The following DPP10 variants were observed in gnomAD, a reference collection of about 807,000 sequenced individuals.
DPP10 encodes inactive dipeptidyl peptidase 10.
Under a neutral mutation model 120.9 loss-of-function variants are expected in DPP10, and 33 were observed. That is an observed-to-expected ratio of 0.27 (90% CI 0.21 to 0.37). The LOEUF (loss-of-function observed/expected upper bound fraction) is 0.37. Ranked by LOEUF, DPP10 falls within the 10% of genes least tolerant of loss-of-function variation. DPP10 has a pLI of 1.00. For missense variants in DPP10, 816 were observed against 942.8 expected (o/e 0.87, Z 1.76); for synonymous variants, 337 against 326.1 (o/e 1.03, Z -0.36).
chr2:114,842,232 T>C (rs1688213731), intron 1 of DPP10, among the ~76,000 whole-genome samples: 1 of 152,076 alleles, frequency 6.6e-6, no homozygotes, highest in Non-Finnish European at 1.5e-5. Flanking sequence ...AATTATGTCT[T>C]ATCTACATGT....
chr2:114,613,240 T>G (rs1693419134), intron 1 of DPP10, among the ~76,000 whole-genome samples: 1 of 152,194 alleles, frequency 6.6e-6, no homozygotes, highest in Non-Finnish European at 1.5e-5. Context: ...ATGAAACTAT[T>G]GCAAACAGAG....
chr2:115,632,713 A>C (rs1196105725), intron 5 of DPP10, among the ~76,000 whole-genome samples: 1 of 152,194 alleles, frequency 6.6e-6, no homozygotes, highest in Non-Finnish European at 1.5e-5. Context: ...GAATCTATAA[A>C]AAACTTAAAT....
At chr2:115,475,673 C>T (rs996122865) in intron 3 of DPP10, among the ~76,000 whole-genome samples, 2 of 152,172 alleles carry the variant, frequency 1.3e-5, no homozygotes, top group Non-Finnish European at 2.9e-5. Context: ...AACGCCAGCC[C>T]ATGAGAACAG....
intron 2 of DPP10, among the ~76,000 whole-genome samples, chr2:115,312,283 T>C (rs183427562): frequency 6.6e-6 from 1 of 152,250 alleles, no homozygotes; most frequent in African/African-American, 2.4e-5. Context: ...TAGAAGATTA[T>C]GTAAATTGAT....
At chr2:115,459,303 C>T (rs1378700554) in intron 3 of DPP10, among the ~76,000 whole-genome samples, 3 of 151,872 alleles carry the variant, frequency 2.0e-5, no homozygotes, top group Non-Finnish European at 4.4e-5. Flanking sequence ...ATTACAGGCA[C>T]GTGCCACCAC....
rs562363372 is a variant in DPP10 at position 115,369,153 on chromosome 2, G to A, written c.271+25241G>A. On this transcript the variant is annotated intron_variant, in intron 3 of 25. Coordinates refer to ENST00000410059, the MANE Select transcript of DPP10 (RefSeq NM_020868.6). Reference sequence around the variant, plus strand: ...AATTCACATTTCAATATATCTAACAGCAAATGATCAGACTGCTACCCAGAC... The same window carrying A: ...AATTCACATTTCAATATATCTAACAACAAATGATCAGACTGCTACCCAGAC... 3.3e-5 allele frequency among the ~76,000 whole-genome samples: 5 copies of A among 152,072 alleles called. No homozygotes were observed. In the South Asian group the frequency reaches 1.0e-3, roughly 31 times the overall value.
intron 1 of DPP10, among the ~76,000 whole-genome samples, chr2:115,153,728 T>TTATTTTTCCCTAAAATACTTA (rs1174447547): frequency 2.0e-5 from 3 of 152,168 alleles, no homozygotes; most frequent in Non-Finnish European, 4.4e-5. Flanking sequence ...AGCATAAACT[T>TTATTTTTCCCTAAAATACTTA]TATTTTTCCC....
intron 5 of DPP10, among the ~76,000 whole-genome samples, chr2:115,619,756 AC>A (rs2084807667): frequency 6.6e-6 from 1 of 152,182 alleles, no homozygotes; most frequent in African/African-American, 2.4e-5. Context: ...ATTATCATTT[AC>A]TGAGTTTAGT....
intron 1 of DPP10, among the ~76,000 whole-genome samples, chr2:114,670,306 T>G (rs1034856946): frequency 1.3e-5 from 2 of 152,086 alleles, no homozygotes; most frequent in Admixed American, 6.5e-5. Context: ...ATAGACTGGA[T>G]TAAGAAAATG....
At chr2:115,233,481 C>T (rs1484156690) in intron 1 of DPP10, among the ~76,000 whole-genome samples, 7 of 152,240 alleles carry the variant, frequency 4.6e-5, no homozygotes, top group African/African-American at 1.4e-4. Context: ...TCAGAAAAGA[C>T]TTGACTCCAT....
At chr2:115,253,219 A>G in intron 1 of DPP10, among the ~76,000 whole-genome samples, 1 of 152,110 alleles carries the variant, frequency 6.6e-6, no homozygotes, top group Non-Finnish European at 1.5e-5. Flanking sequence ...TTGTGAGAGG[A>G]CAGCACCAAA....
rs1357969646 is a variant in DPP10 at position 115,553,223 on chromosome 2, C to T, written c.441+27251C>T. ...CTTTCAAAGTATATCCTGTAGATATCCTAGACCTGATACACTTGGTATAAA... is the reference window on the plus strand; with the variant it reads ...CTTTCAAAGTATATCCTGTAGATATTCTAGACCTGATACACTTGGTATAAA... On this transcript the variant is annotated intron_variant, in intron 5 of 25. Coordinates refer to ENST00000410059, the MANE Select transcript of DPP10 (RefSeq NM_020868.6). 1.6e-4 allele frequency among the ~76,000 whole-genome samples: 25 copies of T among 151,924 alleles called. 1 individual carries two copies. The highest frequency in any genetic ancestry group is 1.6e-3 in the Admixed American group (25 of 15,230).
At chr2:115,595,207 T>C (rs1253071959) in intron 5 of DPP10, among the ~76,000 whole-genome samples, 2 of 152,108 alleles carry the variant, frequency 1.3e-5, no homozygotes. Flanking sequence ...CAATAAGGCA[T>C]AATAAAGATA....
At chr2:114,886,881 A>G (rs1177567061) in intron 1 of DPP10, among the ~76,000 whole-genome samples, 1 of 152,036 alleles carries the variant, frequency 6.6e-6, no homozygotes, top group Non-Finnish European at 1.5e-5. Flanking sequence ...ACGCTTTCTC[A>G]ATAGCTTTCT....
chr2:115,099,292 C>T (rs753820941), intron 1 of DPP10, among the ~76,000 whole-genome samples: 7 of 152,072 alleles, frequency 4.6e-5, no homozygotes, highest in African/African-American at 9.6e-5. Context: ...CCAGCATGGG[C>T]GACAGAACAA....
intron 1 of DPP10, among the ~76,000 whole-genome samples, chr2:114,581,863 A>G (rs1265020974): frequency 2.0e-5 from 3 of 152,214 alleles, no homozygotes; most frequent in Admixed American, 2.0e-4. Context: ...GAGTATGCAT[A>G]TATCTGCCAC....
intron 1 of DPP10, among the ~76,000 whole-genome samples, chr2:114,665,009 T>TCC (rs879424453): frequency 0.092 from 13,484 of 146,282 alleles, 1,541 homozygotes; most frequent in African/African-American, 0.17. Context: ...GCACAGAGCA[T>TCC]ACAAAAGATG....
intron 1 of DPP10, among the ~76,000 whole-genome samples, chr2:115,198,081 T>C (rs1410671201): frequency 6.6e-6 from 1 of 152,222 alleles, no homozygotes; most frequent in Non-Finnish European, 1.5e-5. Context: ...CACTGTACTT[T>C]CTCATCACAA....
intron 5 of DPP10, among the ~76,000 whole-genome samples, chr2:115,646,378 A>T (rs1190863062): frequency 2.0e-5 from 3 of 151,462 alleles, no homozygotes; most frequent in Non-Finnish European, 4.4e-5. Context: ...GACTCTGGGT[A>T]AAAAAAAAGA....
Sources: gnomAD v4.1 joint callset for allele counts (sites outside exome capture counted in the v4.1 genomes callset) on GRCh38, gnomAD v4.1.1 for gene constraint, MANE v1.5 for transcripts, NCBI Gene and HGNC (gene_info 2026-07-23, HGNC 2026-07-21) for gene names.